PTPRT: variants seen among roughly 807,000 people sequenced by gnomAD.
PTPRT encodes the protein protein tyrosine phosphatase receptor type T.
Under a neutral mutation model 176.8 loss-of-function variants are expected in PTPRT, and 56 were observed. That is an observed-to-expected ratio of 0.32 (90% confidence interval 0.26 to 0.40). The LOEUF is 0.40. PTPRT is among the 10% of genes least tolerant of loss of function. The pLI is 1.00. For synonymous variants in PTPRT, 783 were observed against 739.0 expected, an observed-to-expected ratio of 1.06 and a Z score of -0.96; for missense variants, 1,540 against 1,908.2, an observed-to-expected ratio of 0.81 and a Z score of 3.60.
chr20:43,131,469 T>C (rs2013645012), intron 1 of PTPRT, among the ~76,000 whole-genome samples: 1 of 152,248 alleles, frequency 6.6e-6, no homozygotes, highest in African/African-American at 2.4e-5. Context: ...ATTATTTCTA[T>C]AATAATTTGA....
intron 23 of PTPRT, among the ~76,000 whole-genome samples, chr20:42,107,838 A>G (rs549502849): frequency 6.6e-6 from 1 of 152,242 alleles, no homozygotes; most frequent in African/African-American, 2.4e-5. Flanking sequence ...ATATTGGCTC[A>G]TGGTAAATCC....
chr20:42,860,407 T>C (rs916549856), intron 2 of PTPRT, among the ~76,000 whole-genome samples: 1 of 152,238 alleles, frequency 6.6e-6, no homozygotes, highest in Admixed American at 6.5e-5. Context: ...CCCATTTATT[T>C]TTCCAGATAA....
intron 1 of PTPRT, among the ~76,000 whole-genome samples, chr20:42,977,220 C>T (rs1011496159): frequency 1.3e-5 from 2 of 152,312 alleles, no homozygotes; most frequent in African/African-American, 4.8e-5. Context: ...TTTGGTACCA[C>T]ATTCTTTCCT....
chr20:43,187,476 GA>G (rs980068223), intron 1 of PTPRT, among the ~76,000 whole-genome samples: 3 of 151,216 alleles, frequency 2.0e-5, no homozygotes, highest in Non-Finnish European at 4.4e-5. Flanking sequence ...GAACCCTGGG[GA>G]AAAAAAATCT....
At chr20:42,169,791 C>CACACACATACAA (rs752547377) in intron 16 of PTPRT, among the ~76,000 whole-genome samples, 2 of 98,306 alleles carry the variant, frequency 2.0e-5, no homozygotes, top group African/African-American at 6.6e-5. Flanking sequence ...CACACACACA[C>CACACACATACAA]AACAGTCAGT....
intron 7 of PTPRT, among the ~76,000 whole-genome samples, chr20:42,608,617 T>C (rs1197669389): frequency 6.6e-6 from 1 of 152,172 alleles, no homozygotes; most frequent in African/African-American, 2.4e-5. Flanking sequence ...TTTGGATGCC[T>C]GAGATCTGGA....
intron 7 of PTPRT, among the ~76,000 whole-genome samples, chr20:42,611,107 T>C (rs1156879395): frequency 6.6e-6 from 1 of 152,192 alleles, no homozygotes; most frequent in Non-Finnish European, 1.5e-5. Context: ...TTTGGGGTGA[T>C]CATGAATACT....
rs183087380 is a variant in PTPRT, at chr20:42,568,246, C to T, written c.1154-95684G>A. Among the ~76,000 whole-genome samples, 7 of 152,266 alleles carry T rather than the reference C, an allele frequency of 4.6e-5. No homozygotes were observed. The East Asian group carries it at 9.7e-4, about 21-fold the overall frequency. ...CCTCCCAAAGTGCTGGGATTACAGG[C>T]GTGAGCCACCGCGCCCGGCTGAGTT... On this transcript the variant is annotated intron_variant, in intron 7 of 30. Transcript: ENST00000373187.
At chr20:42,201,730 C>CAAAAAA (rs57007206) in intron 15 of PTPRT, among the ~76,000 whole-genome samples, 1 of 74,060 alleles carries the variant, frequency 1.4e-5, no homozygotes, top group Non-Finnish European at 2.5e-5. Context: ...GAACCAGAGG[C>CAAAAAA]AAAAAAAAAA....
At chr20:42,895,064 T>C (rs2079269958) in intron 1 of PTPRT, among the ~76,000 whole-genome samples, 1 of 152,202 alleles carries the variant, frequency 6.6e-6, no homozygotes, top group African/African-American at 2.4e-5. Context: ...ATTTTTTAAC[T>C]GGGGGGTTGT....
At chr20:43,165,640 T>C (rs887276358) in intron 1 of PTPRT, among the ~76,000 whole-genome samples, 2 of 152,042 alleles carry the variant, frequency 1.3e-5, no homozygotes, top group Non-Finnish European at 2.9e-5. Context: ...AACACATAAG[T>C]GAATGGCAGA....
intron 1 of PTPRT, among the ~76,000 whole-genome samples, chr20:42,946,537 A>G (rs1302110426): frequency 6.6e-6 from 1 of 152,246 alleles, no homozygotes; most frequent in Non-Finnish European, 1.5e-5. Context: ...AAGATGTTAC[A>G]TACATGACAG....
At chr20:42,354,937 T>A in intron 9 of PTPRT, among the ~76,000 whole-genome samples, 1 of 152,150 alleles carries the variant, frequency 6.6e-6, no homozygotes, top group Non-Finnish European at 1.5e-5. Flanking sequence ...TTGGGCTTTT[T>A]TTCAAGCAGC....
At chr20:42,728,077 T>C (rs910121657) in intron 6 of PTPRT, among the ~76,000 whole-genome samples, 4 of 152,192 alleles carry the variant, frequency 2.6e-5, no homozygotes, top group Non-Finnish European at 5.9e-5. Flanking sequence ...TGCAGCACCC[T>C]TGAAAAGAAT....
chr20:43,083,347 T>TATAC (rs2011506495), intron 1 of PTPRT, among the ~76,000 whole-genome samples: 2 of 97,782 alleles, frequency 2.0e-5, no homozygotes, highest in Admixed American at 1.2e-4. Context: ...TATATATATA[T>TATAC]ATATATATAT....
chr20:43,106,036 C>G (rs2146333038), intron 1 of PTPRT, among the ~76,000 whole-genome samples: 1 of 152,110 alleles, frequency 6.6e-6, no homozygotes, highest in Non-Finnish European at 1.5e-5. Flanking sequence ...GGGAGGCAGC[C>G]CCAGACAGAC....
At chr20:42,445,655 C>T (rs2059355607) in intron 9 of PTPRT, among the ~76,000 whole-genome samples, 2 of 152,190 alleles carry the variant, frequency 1.3e-5, no homozygotes, top group South Asian at 2.1e-4. Flanking sequence ...ACAACTCAAC[C>T]AGTTACAATA....
At chr20:42,820,749 A>G (rs983911410) in intron 2 of PTPRT, among the ~76,000 whole-genome samples, 4 of 152,240 alleles carry the variant, frequency 2.6e-5, no homozygotes, top group African/African-American at 9.6e-5. Context: ...CTGATCCCAC[A>G]GAAATACAAA....
chr20:42,102,089 G>A (rs1315452176), intron 26 of PTPRT, 35 bp downstream of exon 26: 1 of 1,597,050 alleles, frequency 6.3e-7, no homozygotes, highest in Non-Finnish European at 8.6e-7. Flanking sequence ...GCCCTAGAAT[G>A]CCAGCTAGGA....
Sources: allele counts gnomAD v4.1 joint callset (sites outside exome capture counted in the v4.1 genomes callset), GRCh38; gene constraint gnomAD v4.1.1; transcripts MANE v1.5; gene names NCBI Gene and HGNC (gene_info 2026-07-23, HGNC 2026-07-21).